MRRF: variants seen among roughly 807,000 people sequenced by gnomAD.
The protein encoded by MRRF is ribosome-recycling factor, mitochondrial.
MRRF carries 18 observed loss-of-function variants against 25.1 expected under a neutral mutation model. The ratio of observed to expected loss-of-function variants is 0.72; its 90% CI spans 0.50 to 1.06. The LOEUF is 1.06. MRRF is among the 50% of genes least tolerant of loss of function. The pLI is 0.00. For synonymous variants in MRRF, 113 were observed against 112.1 expected (o/e 1.01, Z -0.05); for missense variants, 323 against 319.3 (o/e 1.01, Z -0.09).
At chr9:122,271,438 AC>A (rs1257650109) in intron 2 of MRRF, among the ~76,000 whole-genome samples, 1 of 152,174 alleles carries the variant, frequency 6.6e-6, no homozygotes, top group Non-Finnish European at 1.5e-5. Context: ...TATAATTAAG[AC>A]CAGAAGGTGG....
chr9:122,298,522 T>C (rs746715616), intron 5 of MRRF, among the ~76,000 whole-genome samples: 6 of 152,220 alleles, frequency 3.9e-5, no homozygotes, highest in Non-Finnish European at 8.8e-5. Context: ...CAAAAAGTTA[T>C]CCTCTGCCCC....
rs1836022047 is a variant in MRRF at position 122,323,785 on chromosome 9, C to T, written c.*1168C>T. ...TACAAATAGGAAAACTAAGTCTTGA[C>T]AGTATTAGGTAATTTGCCCAAAGTA... On this transcript the variant is annotated 3_prime_UTR_variant, in exon 7 of 7. Transcript: ENST00000344641. 6.6e-6 allele frequency: 1 copy of T among 152,020 alleles called. No individual in the cohort carries two copies. Among genetic ancestry groups the T allele is most frequent in the Non-Finnish European group, 1.5e-5 (1 of 68,014 alleles). The allele number at this position is 152,020 out of a possible 1,614,324, so 9.4% of individuals were successfully genotyped here. A position where few individuals can be genotyped will look rare whatever the true frequency, so the allele number is the denominator to read the frequency against.
chr9:122,307,414 A>G (rs1834920148), intron 5 of MRRF, among the ~76,000 whole-genome samples: 1 of 152,000 alleles, frequency 6.6e-6, no homozygotes, highest in Non-Finnish European at 1.5e-5. Flanking sequence ...CTCTGTTCCC[A>G]TTCTGTTTCT....
At chr9:122,276,950 T>A (rs1588014545) in intron 2 of MRRF, among the ~76,000 whole-genome samples, 3 of 152,272 alleles carry the variant, frequency 2.0e-5, no homozygotes, top group Middle Eastern at 6.8e-3. Context: ...AACCTTAATC[T>A]TCTGGGCTCA....
At chr9:122,313,114 C>A in intron 5 of MRRF, 113 bp from the exon 6 acceptor site, 1 of 1,115,802 alleles carries the variant, frequency 9.0e-7, no homozygotes, top group Non-Finnish European at 1.3e-6. Flanking sequence ...GGAGTTCAGC[C>A]CACAGAGAGG....
intron 2 of MRRF, among the ~76,000 whole-genome samples, chr9:122,273,525 T>G (rs1832592736): frequency 6.6e-6 from 1 of 152,186 alleles, no homozygotes; most frequent in Admixed American, 6.5e-5. Flanking sequence ...CTATCTTTTT[T>G]TTTTGTCACT....
chr9:122,270,746 G>A, intron 1 of MRRF, 118 bp from the exon 2 acceptor site: 2 of 767,746 alleles, frequency 2.6e-6, no homozygotes, highest in Admixed American at 1.9e-5. Flanking sequence ...TATTTAAATT[G>A]TCTAGTACTT....
chr9:122,278,136 CCTCT>C (rs942398496), intron 2 of MRRF, among the ~76,000 whole-genome samples: 7 of 150,064 alleles, frequency 4.7e-5, no homozygotes, highest in South Asian at 2.1e-4. Context: ...TTTCTTTATC[CCTCT>C]CTCTCTCTTT....
chr9:122,291,692 CTTGCATCTGGTAATAATTATTTA>C, intron 4 of MRRF, 34 bp from the exon 5 acceptor site: 1 of 1,239,240 alleles, frequency 8.1e-7, no homozygotes, highest in Admixed American at 1.7e-5. Flanking sequence ...CGACAGAGGG[CTTGCATCTGGTAATAATTATTTA>C]CTAATTCTGT....
intron 6 of MRRF, among the ~76,000 whole-genome samples, chr9:122,317,619 A>G (rs1330696088): frequency 1.3e-5 from 2 of 152,230 alleles, no homozygotes; most frequent in Admixed American, 1.3e-4. Context: ...AAGGTAGATT[A>G]TACAGCAGTT....
intron 5 of MRRF, among the ~76,000 whole-genome samples, chr9:122,293,900 G>C (rs1013461685): frequency 6.6e-6 from 1 of 152,182 alleles, no homozygotes; most frequent in African/African-American, 2.4e-5. Flanking sequence ...GGACTTGCCC[G>C]AGATCACATG....
At chr9:122,299,355 T>C (rs1277772007) in intron 5 of MRRF, among the ~76,000 whole-genome samples, 1 of 151,778 alleles carries the variant, frequency 6.6e-6, no homozygotes, top group East Asian at 2.0e-4. Context: ...CCTCAAGTGA[T>C]CCACCCATTT....
At chr9:122,318,807 A>G (rs1030516291) in intron 6 of MRRF, among the ~76,000 whole-genome samples, 1 of 152,216 alleles carries the variant, frequency 6.6e-6, no homozygotes, top group Non-Finnish European at 1.5e-5. Context: ...ATGTCAGCAA[A>G]TGGTGTCATC....
intron 3 of MRRF, among the ~76,000 whole-genome samples, chr9:122,282,176 C>G (rs151273536): frequency 6.6e-6 from 1 of 152,164 alleles, no homozygotes; most frequent in African/African-American, 2.4e-5. Context: ...TCCGTTTTAT[C>G]TTTCATTACC....
chr9:122,304,100 C>CACACACA (rs907283393), intron 5 of MRRF, among the ~76,000 whole-genome samples: 6 of 149,996 alleles, frequency 4.0e-5, no homozygotes, highest in South Asian at 2.1e-4. Context: ...CACACACACA[C>CACACACA]CCTTTAGGGA....
rs779895367 is a variant in MRRF, at chr9:122,271,124, G to A, written c.184+49G>A. 1.3e-5 allele frequency: 20 copies of A among 1,521,016 alleles called. No individual in the cohort carries two copies. In the Admixed American group the frequency reaches 3.3e-4, roughly 25 times the overall value. 94.2% of individuals were successfully genotyped at this position (1,521,016 alleles called of 1,614,324 possible). ...CTACTTCACCCCTTTCTTATAGTTG[G>A]CCCTTGAATTATAGCTGGCAGGTAT... On this transcript the variant is annotated intron_variant, in intron 2 of 6. Transcript: ENST00000344641.
At chr9:122,301,520 T>C (rs979257082) in intron 5 of MRRF, among the ~76,000 whole-genome samples, 1 of 152,164 alleles carries the variant, frequency 6.6e-6, no homozygotes, top group African/African-American at 2.4e-5. Flanking sequence ...GAATATTTAC[T>C]TTTGTGAAGA....
intron 2 of MRRF, among the ~76,000 whole-genome samples, chr9:122,272,529 G>C (rs527410485): frequency 6.6e-6 from 1 of 152,176 alleles, no homozygotes; most frequent in South Asian, 2.1e-4. Flanking sequence ...GCTGGGCCTG[G>C]TGGCCTGTAC....
intron 2 of MRRF, among the ~76,000 whole-genome samples, chr9:122,279,572 C>T (rs1832971551): frequency 6.6e-6 from 1 of 152,138 alleles, no homozygotes; most frequent in Admixed American, 6.6e-5. Flanking sequence ...TTCTCCTTCC[C>T]CATTCCCTAT....
Sources: allele counts gnomAD v4.1 joint callset (sites outside exome capture counted in the v4.1 genomes callset), GRCh38; gene constraint gnomAD v4.1.1; transcripts MANE v1.5; gene names NCBI Gene and HGNC (gene_info 2026-07-23, HGNC 2026-07-21).